The following ANKRD36 variants were observed in gnomAD, a reference collection of about 807,000 sequenced individuals.
ANKRD36 encodes ankyrin repeat domain-containing protein 36A.
Under a neutral mutation model 278.1 loss-of-function variants are expected in ANKRD36, and 179 were observed. The observed-to-expected ratio is 0.64, with a 90% confidence interval of 0.57 to 0.73. The LOEUF is 0.73. Ranked by LOEUF, ANKRD36 falls within the 30% of genes least tolerant of loss-of-function variation. The pLI is 0.00. For synonymous variants in ANKRD36, 320 were observed against 641.1 expected, an observed-to-expected ratio of 0.50 and a Z score of 7.57; for missense variants, 1,159 against 1,956.7, an observed-to-expected ratio of 0.59 and a Z score of 7.69.
At chr2:97,179,363 C>T (rs10179966) in intron 22 of ANKRD36, among the ~76,000 whole-genome samples, 28,181 of 151,468 alleles carry the variant, frequency 0.19, 4,024 homozygotes, top group African/African-American at 0.4. Context: ...GAAAGACATG[C>T]GGATGCGTGT....
intron 22 of ANKRD36, among the ~76,000 whole-genome samples, chr2:97,178,476 C>T (rs1025332630): frequency 2.2e-4 from 34 of 151,756 alleles, no homozygotes; most frequent in Non-Finnish European, 4.7e-4. Flanking sequence ...GGCACATATA[C>T]ACCATGGAAT....
At chr2:97,225,112 T>C (rs2153660268) in intron 67 of ANKRD36, among the ~76,000 whole-genome samples, 1 of 152,058 alleles carries the variant, frequency 6.6e-6, no homozygotes, top group East Asian at 2.0e-4. Context: ...AAGTTCCTGA[T>C]ATTGTTTGCA....
intron 6 of ANKRD36, among the ~76,000 whole-genome samples, chr2:97,140,528 A>G (rs921637608): frequency 6.6e-6 from 1 of 151,994 alleles, no homozygotes; most frequent in Non-Finnish European, 1.5e-5. Context: ...TCATAATATG[A>G]TGGGAAAGCA....
At chr2:97,116,457 T>C (rs1030972011) in intron 1 of ANKRD36, among the ~76,000 whole-genome samples, 1 of 151,976 alleles carries the variant, frequency 6.6e-6, no homozygotes, top group Non-Finnish European at 1.5e-5. Context: ...TATATTTTAG[T>C]AAAGACGGGG....
intron 17 of ANKRD36, among the ~76,000 whole-genome samples, chr2:97,161,274 G>GT (rs2048805517): frequency 6.6e-6 from 1 of 152,422 alleles, no homozygotes; most frequent in South Asian, 2.1e-4. Context: ...CCCAATTTTA[G>GT]TAAATAACAC....
At chr2:97,197,842 A>G (rs1179508781) in intron 42 of ANKRD36, among the ~76,000 whole-genome samples, 3 of 151,902 alleles carry the variant, frequency 2.0e-5, no homozygotes, top group Non-Finnish European at 2.9e-5. Context: ...AGGCTAAAGT[A>G]GTGGATACAA....
At chr2:97,170,542 T>A (rs1000595223) in intron 22 of ANKRD36, among the ~76,000 whole-genome samples, 3 of 151,890 alleles carry the variant, frequency 2.0e-5, no homozygotes, top group Non-Finnish European at 4.4e-5. Context: ...TCCTTACACC[T>A]CATACAAAAA....
chr2:97,202,121 T>A lies in ANKRD36; in HGVS notation c.2858-81T>A, dbSNP rs1575796577. ...GCTAATACAGGCAGGAGGACAGAGG[T>A]TGATTCTAACAGTGCTCGAATGTAT... On this transcript the variant is annotated intron_variant, in intron 46 of 75. Coordinates refer to ENST00000420699, the MANE Select transcript of ANKRD36 (RefSeq NM_001354587.1). 63 of 1,592,038 alleles carry A rather than the reference T, an allele frequency of 4.0e-5. 1 individual carries two copies. The South Asian group carries it at 7.0e-4, about 18-fold the overall frequency.
At chr2:97,133,112 AG>A (rs1021362478) in intron 6 of ANKRD36, among the ~76,000 whole-genome samples, 26 of 152,156 alleles carry the variant, frequency 1.7e-4, no homozygotes, top group African/African-American at 6.3e-4. Context: ...ACACCAGCGA[AG>A]GGCCAGTTTT....
At chr2:97,146,434 T>A (rs1176403380) in intron 10 of ANKRD36, 52 bp from the exon 11 acceptor site, 45 of 1,394,464 alleles carry the variant, frequency 3.2e-5, no homozygotes, top group Non-Finnish European at 3.8e-5. Flanking sequence ...TTTTTAATAT[T>A]TTATAGGTTC....
At chr2:97,179,807 T>C (rs1559507605) in intron 23 of ANKRD36, 41 bp downstream of exon 23, 4 of 1,598,322 alleles carry the variant, frequency 2.5e-6, no homozygotes, top group Non-Finnish European at 3.4e-6. Context: ...ATTAACTGTA[T>C]AGTCTATGAA....
intron 17 of ANKRD36, among the ~76,000 whole-genome samples, chr2:97,160,549 T>C (rs1250314340): frequency 6.6e-6 from 1 of 152,152 alleles, no homozygotes; most frequent in Non-Finnish European, 1.5e-5. Flanking sequence ...GGGTCCTGAC[T>C]GACAGGCATA....
chr2:97,186,562 A>G (rs2057450651), intron 30 of ANKRD36, among the ~76,000 whole-genome samples: 1 of 151,492 alleles, frequency 6.6e-6, no homozygotes, highest in Non-Finnish European at 1.5e-5. Context: ...ATGTCCAGGA[A>G]GGCTAAACTA....
At chr2:97,114,902 C>T (rs189402767) in intron 1 of ANKRD36, among the ~76,000 whole-genome samples, 2 of 151,646 alleles carry the variant, frequency 1.3e-5, no homozygotes, top group African/African-American at 2.4e-5. Context: ...ACTATTGTGA[C>T]GACATCAAGA....
intron 67 of ANKRD36, among the ~76,000 whole-genome samples, chr2:97,228,791 T>A (rs879325341): frequency 4.9e-3 from 746 of 151,686 alleles, no homozygotes; most frequent in Non-Finnish European, 8.3e-3. Context: ...TAAATTTCCC[T>A]CTACACACTG....
intron 56 of ANKRD36, 66 bp from the exon 57 acceptor site, chr2:97,211,480 T>C (rs1207013937): frequency 1.3e-6 from 2 of 1,578,562 alleles, no homozygotes; most frequent in Non-Finnish European, 1.7e-6. Context: ...GCTAACACTG[T>C]ATGAATGTAT....
At chr2:97,229,497 T>C (rs1171604126) in intron 67 of ANKRD36, among the ~76,000 whole-genome samples, 5 of 152,222 alleles carry the variant, frequency 3.3e-5, no homozygotes, top group Admixed American at 6.5e-5. Flanking sequence ...TTGGTAGATC[T>C]TCCTCCATCC....
At position 97,211,512 on chromosome 2, in the gene ANKRD36, A is replaced by G. The variant is rs780513866; in HGVS notation, c.3368-34A>G. The stretch of plus-strand genomic sequence containing the variant: ...GTATGGATAACTTTATCATATTTAC[A>G]TATGAGTGATTATGTATCCCTTTTG... On this transcript the variant is annotated intron_variant, in intron 56 of 75. Transcript: ENST00000420699. The G allele has an allele frequency of 1.2e-5, 19 of 1,599,630 alleles. No homozygotes were observed. In the African/African-American group the frequency reaches 1.5e-4, roughly 12 times the overall value.
chr2:97,200,879 G>A (rs558934113), intron 46 of ANKRD36, among the ~76,000 whole-genome samples: 2 of 151,912 alleles, frequency 1.3e-5, no homozygotes, highest in Non-Finnish European at 2.9e-5. Flanking sequence ...TCACATCATA[G>A]TGCTAAAAAC....
Sources: allele counts gnomAD v4.1 joint callset (sites outside exome capture counted in the v4.1 genomes callset), GRCh38; gene constraint gnomAD v4.1.1; transcripts MANE v1.5; gene names NCBI Gene and HGNC (gene_info 2026-07-23, HGNC 2026-07-21).